EDC3: variants seen among roughly 807,000 people sequenced by gnomAD.
EDC3 encodes the protein enhancer of mRNA decapping 3, also known as enhancer of mRNA-decapping protein 3.
In EDC3, 20 loss-of-function variants were observed where a neutral mutation model predicts 41.8. The observed-to-expected ratio is 0.48, with a 90% CI of 0.34 to 0.70. EDC3 has a LOEUF of 0.70. Among genes scored for constraint, EDC3 ranks in the 30% least tolerant of loss-of-function variants. EDC3 has a pLI of 0.01. For missense variants in EDC3, 444 were observed against 636.8 expected (o/e 0.70, Z 3.26); for synonymous variants, 206 against 243.2 (o/e 0.85, Z 1.42).
At chr15:74,679,243 A>ATT (rs1020672110) in intron 1 of EDC3, among the ~76,000 whole-genome samples, 1 of 152,080 alleles carries the variant, frequency 6.6e-6, no homozygotes, top group African/African-American at 2.4e-5. Context: ...AATTTGTTCA[A>ATT]TGTAGCTAGT....
At chr15:74,692,919 C>A (rs1291319921) in intron 1 of EDC3, 2 of 152,002 alleles carry the variant, frequency 1.3e-5, no homozygotes, top group Non-Finnish European at 1.5e-5. Flanking sequence ...GTTTCAGGTG[C>A]CAACTTAAAA....
intron 5 of EDC3, 41 bp downstream of exon 5, chr15:74,640,425 C>T (rs768547429): frequency 2.1e-5 from 34 of 1,607,452 alleles, no homozygotes; most frequent in Admixed American, 1.0e-4. Flanking sequence ...GCAGAGCATC[C>T]TTACTCCACA....
At position 74,676,052 on chromosome 15, in the gene EDC3, T is replaced by C. The variant is rs548707524; in HGVS notation, c.-18-910A>G. ...AAAAAGACTGAGATCACATAAAATA[T>C]ATTCTCTACCCACAACAGAATTAAA... On this transcript the variant is annotated intron_variant, in intron 1 of 6. Coordinates refer to ENST00000315127, the MANE Select transcript of EDC3 (RefSeq NM_025083.5). 2.0e-5 allele frequency among the ~76,000 whole-genome samples: 3 copies of C among 152,258 alleles called. No individual in the cohort carries two copies. In the East Asian group the frequency reaches 5.8e-4, roughly 29 times the overall value.
At chr15:74,638,061 A>G (rs75388839) in intron 5 of EDC3, 10,826 of 152,304 alleles carry the variant, frequency 0.071, 911 homozygotes, top group Admixed American at 0.26. Context: ...TTGATCTCTC[A>G]GCACTACCAT....
At chr15:74,665,488 T>C (rs533164675) in intron 3 of EDC3, among the ~76,000 whole-genome samples, 1 of 152,352 alleles carries the variant, frequency 6.6e-6, no homozygotes, top group South Asian at 2.1e-4. Flanking sequence ...AGCTGTGACA[T>C]GGGATTTGAT....
chr15:74,644,775 C>G (rs2062394030), intron 4 of EDC3: 1 of 152,012 alleles, frequency 6.6e-6, no homozygotes, highest in Admixed American at 6.5e-5. Flanking sequence ...TCCACTGGAA[C>G]AAGCTTTGAA....
intron 3 of EDC3, among the ~76,000 whole-genome samples, chr15:74,668,688 C>T (rs2062704939): frequency 7.4e-6 from 1 of 135,978 alleles, no homozygotes; most frequent in Non-Finnish European, 1.5e-5. Flanking sequence ...TCACTGCATT[C>T]CAACCTGAGT....
chr15:74,659,334 T>C (rs762459065), intron 3 of EDC3, among the ~76,000 whole-genome samples: 7 of 151,864 alleles, frequency 4.6e-5, no homozygotes, highest in East Asian at 2.0e-4. Flanking sequence ...TGGTGGCGCA[T>C]GCCTGTAATC....
intron 1 of EDC3, among the ~76,000 whole-genome samples, chr15:74,681,442 G>A (rs935325711): frequency 2.0e-5 from 3 of 152,122 alleles, no homozygotes; most frequent in East Asian, 1.9e-4. Context: ...GAGCCACCAC[G>A]CCTGGCTGCT....
At chr15:74,646,691 G>T (rs970499421) in intron 4 of EDC3, among the ~76,000 whole-genome samples, 5 of 152,210 alleles carry the variant, frequency 3.3e-5, no homozygotes, top group Non-Finnish European at 7.3e-5. Context: ...AAGGCTCAGT[G>T]TAGAGCAGTG....
intron 6 of EDC3, chr15:74,635,123 T>G (rs1328716704): frequency 1.6e-6 from 1 of 625,606 alleles, no homozygotes; most frequent in Non-Finnish European, 3.0e-6. Context: ...GAAGAATGGA[T>G]TTAAAAAAAT....
chr15:74,675,792 A>G (rs1355186611), intron 1 of EDC3, among the ~76,000 whole-genome samples: 1 of 151,610 alleles, frequency 6.6e-6, no homozygotes, highest in Non-Finnish European at 1.5e-5. Flanking sequence ...GAGGCAGGAG[A>G]ATGGCGTCAA....
chr15:74,658,236 C>T (rs1440982896), intron 3 of EDC3, among the ~76,000 whole-genome samples: 1 of 152,176 alleles, frequency 6.6e-6, no homozygotes, highest in African/African-American at 2.4e-5. Context: ...ACTGAAAACA[C>T]TCAAGTCACG....
chr15:74,662,385 C>A (rs1052187170), intron 3 of EDC3, among the ~76,000 whole-genome samples: 1 of 150,546 alleles, frequency 6.6e-6, no homozygotes, highest in Non-Finnish European at 1.5e-5. Context: ...CGTAAGTACA[C>A]AAAACTCTGC....
intron 1 of EDC3, among the ~76,000 whole-genome samples, chr15:74,683,919 G>T (rs1310400553): frequency 6.6e-6 from 1 of 152,030 alleles, no homozygotes; most frequent in African/African-American, 2.4e-5. Context: ...GGCCAGGCAT[G>T]GTGGCTCACA....
Position 74,632,744 on chromosome 15 carries a change from C to T in EDC3, c.1395G>A (p.Leu465=). 6.2e-7 allele frequency: 1 copy of T among 1,614,154 alleles called. No individual in the cohort carries two copies. Among genetic ancestry groups the T allele is most frequent in the Non-Finnish European group, 8.5e-7 (1 of 1,180,020 alleles). Residue 465 remains leucine, a synonymous_variant, in exon 7 of 7, where the codon CTG becomes CTA. Coordinates refer to ENST00000315127, the MANE Select transcript of EDC3 (RefSeq NM_025083.5). The surrounding 1 kb of genome is among the most constrained non-coding windows in gnomAD (Gnocchi z 4.0). The stretch of plus-strand genomic sequence containing the variant: ...TACGGCCTGCGTGCTCCCCCAGTGG[C>T]AGAGGCAGGCCCAGTGCCAGTGACC... The part of the protein sequence containing the change: ...AKWSLALGLP[L]PLGEHAGRIY...
At chr15:74,647,163 C>T (rs2062428577) in intron 4 of EDC3, among the ~76,000 whole-genome samples, 2 of 152,106 alleles carry the variant, frequency 1.3e-5, no homozygotes, top group African/African-American at 4.8e-5. Flanking sequence ...GCATGTGCCA[C>T]CACGGATAGC....
At chr15:74,677,938 T>C (rs2062824893) in intron 1 of EDC3, among the ~76,000 whole-genome samples, 1 of 152,040 alleles carries the variant, frequency 6.6e-6, no homozygotes, top group South Asian at 2.1e-4. Context: ...TATCAAGCCA[T>C]GAAAAGACAT....
intron 1 of EDC3, among the ~76,000 whole-genome samples, chr15:74,679,077 A>C (rs2062840303): frequency 6.6e-6 from 1 of 152,018 alleles, no homozygotes. Context: ...CACACCTGTA[A>C]TCCCAGCTAC....
Sources: gnomAD v4.1 joint callset for allele counts (sites outside exome capture counted in the v4.1 genomes callset) on GRCh38, gnomAD v4.1.1 for gene constraint, Gnocchi (gnomAD v3.1) non-coding constraint, MANE v1.5 for transcripts, NCBI Gene and HGNC (gene_info 2026-07-23, HGNC 2026-07-21) for gene names.